MCPH1: variants seen among roughly 807,000 people sequenced by gnomAD.
The protein encoded by MCPH1 is microcephalin 1, also known as microcephalin.
Under a neutral mutation model 84.5 loss-of-function variants are expected in MCPH1, and 104 were observed. That is an observed-to-expected ratio of 1.23 (90% CI 1.05 to 1.45). MCPH1 has a LOEUF of 1.45. MCPH1 is among the 40% of genes most tolerant of loss of function. MCPH1 has a pLI of 0.00. For missense variants in MCPH1, 1,498 were observed against 1,005.7 expected, an observed-to-expected ratio of 1.49 and a Z score of -6.62; for synonymous variants, 514 against 366.8, an observed-to-expected ratio of 1.40 and a Z score of -4.58.
At chr8:6,432,523 A>T (rs1801999766) in intron 4 of MCPH1, among the ~76,000 whole-genome samples, 1 of 152,196 alleles carries the variant, frequency 6.6e-6, no homozygotes, top group Non-Finnish European at 1.5e-5. Context: ...CTTTCTATTT[A>T]TGTAAAAGTT....
intron 1 of MCPH1, chr8:6,407,258 C>T: frequency 6.3e-6 from 1 of 159,940 alleles, no homozygotes; most frequent in South Asian, 1.8e-4. Flanking sequence ...TAATAGGAGC[C>T]GCCTTTTACT....
At chr8:6,468,233 G>T (rs894597129) in intron 9 of MCPH1, among the ~76,000 whole-genome samples, 8 of 152,252 alleles carry the variant, frequency 5.3e-5, no homozygotes, top group African/African-American at 1.9e-4. Context: ...GCCCCTTATT[G>T]TGGGTAGGCT....
chr8:6,436,260 G>A (rs1418973428), intron 5 of MCPH1, 98 bp downstream of exon 5: 1 of 1,270,904 alleles, frequency 7.9e-7, no homozygotes, highest in Non-Finnish European at 1.1e-6. Flanking sequence ...GAGAGCTGAT[G>A]AAGACTATGA....
chr8:6,629,160 G>T (rs907682064), intron 13 of MCPH1, among the ~76,000 whole-genome samples: 1 of 152,190 alleles, frequency 6.6e-6, no homozygotes, highest in African/African-American at 2.4e-5. Flanking sequence ...TATGACTGGT[G>T]TCCTTATACG....
chr8:6,613,503 G>A (rs942249328), intron 12 of MCPH1, among the ~76,000 whole-genome samples: 8 of 152,092 alleles, frequency 5.3e-5, no homozygotes, highest in Non-Finnish European at 8.8e-5. Context: ...GGGTGAAGGC[G>A]GGAGTCAGTC....
intron 1 of MCPH1, among the ~76,000 whole-genome samples, chr8:6,408,910 G>C (rs865975436): frequency 6.8e-6 from 1 of 146,818 alleles, no homozygotes; most frequent in African/African-American, 2.6e-5. Flanking sequence ...TTTTTGAAAC[G>C]GGTCTCGCCC....
At chr8:6,407,979 C>G (rs1469599369) in intron 1 of MCPH1, among the ~76,000 whole-genome samples, 1 of 152,148 alleles carries the variant, frequency 6.6e-6, no homozygotes, top group Admixed American at 6.6e-5. Context: ...AATATATTAC[C>G]TATGGTTATG....
intron 13 of MCPH1, among the ~76,000 whole-genome samples, chr8:6,640,103 C>CAT (rs1797845763): frequency 1.6e-5 from 2 of 122,244 alleles, no homozygotes; most frequent in African/African-American, 5.7e-5. Flanking sequence ...TGTGTGCGCG[C>CAT]GCGTGTGTGT....
At chr8:6,418,277 G>C (rs911230186) in intron 3 of MCPH1, among the ~76,000 whole-genome samples, 4 of 152,108 alleles carry the variant, frequency 2.6e-5, no homozygotes, top group East Asian at 1.9e-4. Context: ...GCTGCCTTTA[G>C]GGGACAGACA....
intron 12 of MCPH1, among the ~76,000 whole-genome samples, chr8:6,558,761 G>A (rs1369832968): frequency 6.6e-6 from 1 of 152,202 alleles, no homozygotes; most frequent in African/African-American, 2.4e-5. Flanking sequence ...AATCCAGTAT[G>A]TCAGACAACC....
Position 6,645,412 on chromosome 8 carries a change from T to C in MCPH1, c.*2363T>C, listed in dbSNP as rs1007017889. ...TACTCAAAACATATAGGGCTAGAGG[T>C]TCTCAGGATTCTGAATTTTAAAAAA... On this transcript the variant is annotated 3_prime_UTR_variant, in exon 14 of 14. Transcript: ENST00000344683. The C allele has an allele frequency of 5.9e-5, 9 of 152,030 alleles. No homozygotes were observed. Among genetic ancestry groups the C allele is most frequent in the Non-Finnish European group, 8.8e-5 (6 of 68,004 alleles). 9.4% of individuals were successfully genotyped at this position (152,030 alleles called of 1,614,324 possible). A position where few individuals can be genotyped will look rare whatever the true frequency, so the allele number is the denominator to read the frequency against.
intron 9 of MCPH1, among the ~76,000 whole-genome samples, chr8:6,475,105 T>A (rs1585989002): frequency 6.6e-6 from 1 of 152,216 alleles, no homozygotes; most frequent in Non-Finnish European, 1.5e-5. Flanking sequence ...GAACAGAACA[T>A]CCTTAAGAGC....
At chr8:6,503,075 A>T (rs1298247704) in intron 12 of MCPH1, 7 of 1,613,544 alleles carry the variant, frequency 4.3e-6, no homozygotes, top group Admixed American at 1.7e-5. Context: ...ATAGTTCGAG[A>T]CAGTTCCTCA....
chr8:6,456,705 G>A (rs536387890), intron 9 of MCPH1, among the ~76,000 whole-genome samples: 25 of 148,532 alleles, frequency 1.7e-4, no homozygotes, highest in Non-Finnish European at 3.1e-4. Context: ...TGAGTTACTT[G>A]TTACTCACCA....
chr8:6,442,970 A>G (rs1803740560), intron 7 of MCPH1, among the ~76,000 whole-genome samples: 1 of 152,256 alleles, frequency 6.6e-6, no homozygotes, highest in African/African-American at 2.4e-5. Context: ...AACAGTCTCC[A>G]TCTTTTTATT....
intron 1 of MCPH1, chr8:6,407,157 G>C (rs925605766): frequency 4.4e-6 from 1 of 226,188 alleles, no homozygotes; most frequent in African/African-American, 2.4e-5. Context: ...CCGGAAGTTG[G>C]TGTGGGGCCC....
chr8:6,463,097 G>A (rs1806463914), intron 9 of MCPH1, among the ~76,000 whole-genome samples: 1 of 152,192 alleles, frequency 6.6e-6, no homozygotes, highest in African/African-American at 2.4e-5. Flanking sequence ...GAGTATAGGA[G>A]TATAGCCTTT....
At chr8:6,454,014 A>G (rs1380067702) in intron 8 of MCPH1, among the ~76,000 whole-genome samples, 2 of 152,206 alleles carry the variant, frequency 1.3e-5, no homozygotes, top group African/African-American at 2.4e-5. Flanking sequence ...ATCCTTTTTC[A>G]CTGAGATAGG....
intron 4 of MCPH1, among the ~76,000 whole-genome samples, chr8:6,434,185 A>T (rs1299590894): frequency 6.6e-6 from 1 of 152,148 alleles, no homozygotes; most frequent in Non-Finnish European, 1.5e-5. Context: ...AGTTTGATGG[A>T]ATACAGTTGC....
Sources: gnomAD v4.1 joint callset for allele counts (sites outside exome capture counted in the v4.1 genomes callset) on GRCh38, gnomAD v4.1.1 for gene constraint, MANE v1.5 for transcripts, NCBI Gene and HGNC (gene_info 2026-07-23, HGNC 2026-07-21) for gene names.